Variants in DOCK8 observed in about 807,000 individuals in gnomAD.
The protein encoded by DOCK8 is dedicator of cytokinesis 8, also known as dedicator of cytokinesis protein 8.
DOCK8 carries 141 observed loss-of-function variants against 245.6 expected under a neutral mutation model. The observed-to-expected ratio is 0.57, with a 90% CI of 0.50 to 0.66. The LOEUF is 0.66. Ranked by LOEUF, DOCK8 falls within the 30% of genes least tolerant of loss-of-function variation. The probability of loss-of-function intolerance (pLI) is 0.00; values close to 1 mark genes in which losing one functional copy is unlikely to be tolerated. For missense variants in DOCK8, 2,965 were observed against 2,603.4 expected, an observed-to-expected ratio of 1.14 and a Z score of -3.02; for synonymous variants, 1,168 against 970.2, an observed-to-expected ratio of 1.20 and a Z score of -3.79.
chr9:344,185 T>G (rs1355202783), intron 14 of DOCK8, among the ~76,000 whole-genome samples: 2 of 152,168 alleles, frequency 1.3e-5, no homozygotes, highest in African/African-American at 2.4e-5. Context: ...ACAGAAGAGA[T>G]TTCTCTCCAG....
At chr9:379,645 A>C in intron 20 of DOCK8, 126 bp from the exon 21 acceptor site, 1 of 1,040,300 alleles carries the variant, frequency 9.6e-7, no homozygotes, top group Non-Finnish European at 1.5e-6. Flanking sequence ...AAAACCATCT[A>C]CCCTTCCCAG....
In DOCK8 at chr9:418,098, G is replaced by A. The variant is rs752439275; in HGVS notation, c.3731G>A (p.Gly1244Asp). 6.2e-7 allele frequency: 1 copy of A among 1,614,200 alleles called. No homozygotes were observed. The highest frequency in any genetic ancestry group is 1.7e-5 in the Admixed American group (1 of 60,020). The change falls in exon 30 of 48, where the codon GGC becomes GAC. Residue 1244 changes from glycine (G) to aspartate (D), a missense_variant. Gly to Asp is a moderately conservative substitution (Grantham distance 94). Transcript: ENST00000432829. ...VADTRRYRTS[G>D]SDEEQEGAGA... ...GATACTCGCAGATACCGCACCAGTG[G>A]CTCGGATGAAGAACAAGAAGGAGCC... is the stretch of plus-strand genomic sequence containing the variant.
chr9:359,092 T>C (rs545427082), intron 14 of DOCK8, among the ~76,000 whole-genome samples: 1 of 152,344 alleles, frequency 6.6e-6, no homozygotes, highest in South Asian at 2.1e-4. Context: ...CAGGCAATGC[T>C]ATGCTGATGC....
intron 14 of DOCK8, among the ~76,000 whole-genome samples, chr9:344,301 G>C (rs2051760911): frequency 6.6e-6 from 1 of 152,060 alleles, no homozygotes; most frequent in South Asian, 2.1e-4. Flanking sequence ...AACTTGGTTT[G>C]GAATCTTACT....
chr9:452,228 G>T, intron 46 of DOCK8, 111 bp downstream of exon 46: 1 of 730,910 alleles, frequency 1.4e-6, no homozygotes, highest in South Asian at 1.5e-5. Context: ...CAAAGTCTCA[G>T]GCACCCTCCA....
At chr9:384,464 A>G (rs1184936617) in intron 22 of DOCK8, among the ~76,000 whole-genome samples, 3 of 152,206 alleles carry the variant, frequency 2.0e-5, no homozygotes, top group Non-Finnish European at 4.4e-5. Flanking sequence ...GGTGTGAGGA[A>G]GGAAATCTGC....
chr9:264,925 G>C (rs1563852310), intron 1 of DOCK8, among the ~76,000 whole-genome samples: 1 of 152,146 alleles, frequency 6.6e-6, no homozygotes, highest in East Asian at 1.9e-4. Flanking sequence ...TTTAAACCTT[G>C]ATTTTTATTT....
chr9:427,120 A>G, intron 34 of DOCK8, 139 bp downstream of exon 34: 3 of 735,776 alleles, frequency 4.1e-6, no homozygotes, highest in South Asian at 3.1e-5. Context: ...TGAGAAGTTT[A>G]CTATTTACAA....
At position 279,958 on chromosome 9, in the gene DOCK8, T is replaced by C. The variant is rs145300561; in HGVS notation, c.157-6503T>C. The stretch of plus-strand genomic sequence containing the variant: ...TCACTATCCTATTTGTGAAATATTG[T>C]TTAGATTTGTGGTTTGAGTCAGCTA... On this transcript the variant is annotated intron_variant, in intron 2 of 47. Transcript: ENST00000432829. Among the ~76,000 whole-genome samples the C allele has an allele frequency of 1.9e-3, 289 of 152,328 alleles. 1 individual carries two copies. Among genetic ancestry groups the C allele is most frequent in the Non-Finnish European group, 2.9e-3 (195 of 68,030 alleles).
intron 1 of DOCK8, among the ~76,000 whole-genome samples, chr9:219,079 A>G (rs1430062859): frequency 1.3e-5 from 2 of 152,198 alleles, no homozygotes; most frequent in Non-Finnish European, 2.9e-5. Context: ...TCTCAGTTTT[A>G]TTTTAAAATA....
At chr9:406,464 G>A (rs2055420523) in intron 27 of DOCK8, among the ~76,000 whole-genome samples, 2 of 144,716 alleles carry the variant, frequency 1.4e-5, no homozygotes, top group Admixed American at 7.0e-5. Context: ...TCCAGCCTGG[G>A]TAACAGAGTG....
intron 26 of DOCK8, among the ~76,000 whole-genome samples, chr9:400,660 CACCACCAGCA>C: frequency 5.6e-5 from 7 of 125,894 alleles, no homozygotes; most frequent in East Asian, 4.6e-4. Context: ...CCACCTCCAC[CACCACCAGCA>C]TCTTCACCAT....
intron 12 of DOCK8, 107 bp downstream of exon 12, chr9:336,825 CT>C: frequency 1.5e-6 from 2 of 1,338,038 alleles, no homozygotes; most frequent in South Asian, 2.4e-5. Flanking sequence ...ATTAGTTAAG[CT>C]CACTCTCTTA....
Position 376,119 on chromosome 9 carries a change from T to C in DOCK8, c.2110-91T>C, listed in dbSNP as rs78275330. ...AGAGAGTTCTGTATTTGTATAACCC[T>C]GACATTTCCAGTCAAGTTGGTCTGC... On this transcript the variant is annotated intron_variant, in intron 18 of 47. Transcript: ENST00000432829. 7.2e-3 allele frequency: 6,566 copies of C among 910,064 alleles called. 285 individuals carry two copies. In the African/African-American group the frequency reaches 0.092, roughly 13 times the overall value. 56.4% of individuals were successfully genotyped at this position (910,064 alleles called of 1,614,324 possible).
chr9:437,506 A>G (rs1366664065), intron 39 of DOCK8, among the ~76,000 whole-genome samples: 2 of 152,218 alleles, frequency 1.3e-5, no homozygotes, highest in East Asian at 1.9e-4. Context: ...ACCCCGGGTC[A>G]TGGGTCCACA....
intron 16 of DOCK8, 31 bp from the exon 17 acceptor site, chr9:371,397 G>T (rs1191219462): frequency 6.2e-7 from 1 of 1,613,828 alleles, no homozygotes; most frequent in East Asian, 2.2e-5. Context: ...CTTGCTAAAA[G>T]TTATTTGTGT....
intron 16 of DOCK8, 107 bp downstream of exon 16, chr9:370,407 A>G: frequency 3.1e-6 from 3 of 964,788 alleles, no homozygotes; most frequent in Admixed American, 1.9e-5. Flanking sequence ...TAATTCAGGG[A>G]CTGAGGGGCA....
intron 1 of DOCK8, among the ~76,000 whole-genome samples, chr9:229,880 T>G (rs2047069298): frequency 6.6e-6 from 1 of 151,512 alleles, no homozygotes; most frequent in African/African-American, 2.4e-5. Flanking sequence ...TTCTTTTCAT[T>G]TATTTATTTA....
At position 243,512 on chromosome 9, in the gene DOCK8, G is replaced by C. The variant is rs183534876; in HGVS notation, c.54-28115G>C. ...AGATCAATTGTTTCTTGGCCTCTTTGCTGAGATCAAGGGAAGAAGAAAGAT... is the reference window on the plus strand; with the variant it reads ...AGATCAATTGTTTCTTGGCCTCTTTCCTGAGATCAAGGGAAGAAGAAAGAT... On this transcript the variant is annotated intron_variant, in intron 1 of 47. Coordinates refer to ENST00000432829, the MANE Select transcript of DOCK8 (RefSeq NM_203447.4). Among the ~76,000 whole-genome samples the C allele has an allele frequency of 1.3e-3, 197 of 152,226 alleles. 2 individuals carry two copies. Among genetic ancestry groups the C allele is most frequent in the African/African-American group, 4.6e-3 (193 of 41,534 alleles).
Sources: allele counts gnomAD v4.1 joint callset (sites outside exome capture counted in the v4.1 genomes callset), GRCh38; gene constraint gnomAD v4.1.1; transcripts MANE v1.5; gene names NCBI Gene and HGNC (gene_info 2026-07-23, HGNC 2026-07-21).